The following CLECL1 variants were observed in gnomAD, a reference collection of about 807,000 sequenced individuals.
CLECL1 encodes the protein C-type lectin-like domain family 1.
At chr12:9,733,126 TG>T, upstream of CLECL1, 2 of 1,614,174 alleles carry the variant, frequency 1.2e-6, no homozygotes, top group Non-Finnish European at 1.7e-6. Context: ...TAAATTGAGA[TG>T]GCAAATTTCC....
the CLECL1 span, among the ~76,000 whole-genome samples, chr12:9,710,274 C>G: frequency 6.6e-6 from 1 of 152,134 alleles, no homozygotes; most frequent in Non-Finnish European, 1.5e-5. Context: ...TTCAGGCAAC[C>G]AGAGCCTCAG....
At chr12:9,707,566 C>T in the CLECL1 span, among the ~76,000 whole-genome samples, 2 of 152,154 alleles carry the variant, frequency 1.3e-5, no homozygotes, top group East Asian at 1.9e-4. Flanking sequence ...AGCTCCCCAG[C>T]CTGCCTGTCT....
the CLECL1 span, among the ~76,000 whole-genome samples, chr12:9,707,347 CA>C: frequency 6.6e-6 from 1 of 152,126 alleles, no homozygotes; most frequent in Admixed American, 6.5e-5. Context: ...GAAGTATTAG[CA>C]TCTAAAATTA....
chr12:9,712,164 T>A (rs944433897), downstream of CLECL1, among the ~76,000 whole-genome samples: 3 of 152,248 alleles, frequency 2.0e-5, no homozygotes. Context: ...CAACCCAAAC[T>A]AAGCCATTTT....
chr12:9,713,648 T>C (rs1299860482), downstream of CLECL1, among the ~76,000 whole-genome samples: 1 of 152,264 alleles, frequency 6.6e-6, no homozygotes, highest in Non-Finnish European at 1.5e-5. Context: ...TTCTCACTCT[T>C]ATTTTTGCTA....
At chr12:9,718,907 C>G (rs866558890), downstream of CLECL1, 5 of 587,452 alleles carry the variant, frequency 8.5e-6, no homozygotes, top group Middle Eastern at 4.3e-4. Context: ...TTTATTGAAA[C>G]AGCCCTAGCA....
chr12:9,708,861 C>A, the CLECL1 span: 1 of 258,170 alleles, frequency 3.9e-6, no homozygotes. Context: ...CCTCTGTTCC[C>A]TGTCTTTCAG....
At chr12:9,716,753 C>A in exon 3 of CLECL1, 1 of 1,275,844 alleles carries the variant, frequency 7.8e-7, no homozygotes, top group Non-Finnish European at 1.0e-6. Context: ...CTTCTATATG[C>A]ATATGTCAAA....
chr12:9,713,683 C>A (rs763274583), downstream of CLECL1, among the ~76,000 whole-genome samples: 1 of 152,234 alleles, frequency 6.6e-6, no homozygotes, highest in Non-Finnish European at 1.5e-5. Flanking sequence ...TGCAATAGAT[C>A]GATAGTGATT....
At chr12:9,706,434 C>T in the CLECL1 span, among the ~76,000 whole-genome samples, 1 of 152,154 alleles carries the variant, frequency 6.6e-6, no homozygotes, top group African/African-American at 2.4e-5. Context: ...TGTCTTGTGT[C>T]AGTCTTCAAG....
intron 2 of CLECL1, chr12:9,716,837 CT>C: frequency 2.1e-6 from 2 of 940,336 alleles, no homozygotes; most frequent in Non-Finnish European, 1.5e-6. Context: ...TGAGGCAAAA[CT>C]ACTGAATGGA....
At chr12:9,722,627 T>C (rs747187261), downstream of CLECL1, 6 of 1,604,778 alleles carry the variant, frequency 3.7e-6, no homozygotes, top group East Asian at 1.1e-4. Context: ...CTGTCACCTC[T>C]AAATGTTAAA....
At chr12:9,717,362 T>C (rs1866251432) in intron 2 of CLECL1, among the ~76,000 whole-genome samples, 1 of 152,240 alleles carries the variant, frequency 6.6e-6, no homozygotes, top group Non-Finnish European at 1.5e-5. Flanking sequence ...ACCTACTGCA[T>C]ATGTTCTAAG....
intron 3 of CLECL1, among the ~76,000 whole-genome samples, chr12:9,725,012 A>G (rs763415804): frequency 3.3e-5 from 5 of 152,278 alleles, no homozygotes; most frequent in African/African-American, 1.2e-4. Flanking sequence ...AGAATACAGT[A>G]AAAGATATCT....
chr12:9,716,688 A>G lies in CLECL1; in HGVS notation n.241T>C. ...AGGCCTCTTCCTAAGAAGACCCCAG[A>G]GACAGACATATGGATGCCTGTAGCC... On this transcript the variant is annotated non_coding_transcript_exon_variant, in exon 3 of 3. Transcript: ENST00000540988. 3.6e-6 allele frequency: 3 copies of G among 839,720 alleles called. No individual in the cohort carries two copies. The South Asian group carries it at 5.1e-5, about 14-fold the overall frequency. The allele number at this position is 839,720 out of a possible 1,614,324, so 52.0% of individuals were successfully genotyped here.
At chr12:9,704,745 T>C in the CLECL1 span, among the ~76,000 whole-genome samples, 212 of 152,312 alleles carry the variant, frequency 1.4e-3, no homozygotes, top group African/African-American at 4.7e-3. Flanking sequence ...ATGATCTTGT[T>C]CCTTTTTATG....
the CLECL1 span, chr12:9,704,168 A>T: frequency 6.0e-4 from 92 of 152,334 alleles, 1 homozygote; most frequent in African/African-American, 2.0e-3. Context: ...GTAAGTTCAT[A>T]GTACTTTAAT....
the CLECL1 span, among the ~76,000 whole-genome samples, chr12:9,705,970 G>A: frequency 3.3e-5 from 5 of 152,010 alleles, no homozygotes; most frequent in East Asian, 1.9e-4. Context: ...TGGGAAGTAC[G>A]GCCATTTTCA....
downstream of CLECL1, among the ~76,000 whole-genome samples, chr12:9,719,550 AAG>A (rs1206875142): frequency 3.3e-5 from 5 of 151,664 alleles, no homozygotes. Context: ...AACAAAAAGA[AAG>A]AGAACAGCCT....
Sources: allele counts gnomAD v4.1 joint callset (sites outside exome capture counted in the v4.1 genomes callset), GRCh38; gene constraint gnomAD v4.1.1; transcripts MANE v1.5; gene names NCBI Gene and HGNC (gene_info 2026-07-23, HGNC 2026-07-21).